Variants in OGDH observed in about 807,000 individuals in gnomAD.
The protein encoded by OGDH is 2-oxoglutarate dehydrogenase complex component E1.
Under a neutral mutation model 116.6 loss-of-function variants are expected in OGDH, and 38 were observed. The observed-to-expected ratio is 0.33, with a 90% CI of 0.25 to 0.43. OGDH has a LOEUF of 0.43. OGDH is among the 20% of genes least tolerant of loss of function. The probability of loss-of-function intolerance (pLI) is 1.00; values close to 1 mark genes in which losing one functional copy is unlikely to be tolerated. For synonymous variants in OGDH, 488 were observed against 533.3 expected (o/e 0.92, Z 1.17); for missense variants, 825 against 1,357.2 (o/e 0.61, Z 6.16).
At chr7:44,635,252 C>G (rs1377404231) in intron 2 of OGDH, among the ~76,000 whole-genome samples, 1 of 152,148 alleles carries the variant, frequency 6.6e-6, no homozygotes, top group Non-Finnish European at 1.5e-5. Flanking sequence ...AAGAGCCATA[C>G]GCCGGTGTTC....
intron 10 of OGDH, among the ~76,000 whole-genome samples, chr7:44,685,010 A>T (rs1044325399): frequency 6.6e-6 from 1 of 151,646 alleles, no homozygotes; most frequent in African/African-American, 2.4e-5. Flanking sequence ...GTGGTCATGA[A>T]CTCCTGACCT....
chr7:44,607,702 TTTG>T (rs1286458441), intron 1 of OGDH, among the ~76,000 whole-genome samples: 6 of 152,282 alleles, frequency 3.9e-5, no homozygotes, highest in Admixed American at 2.0e-4. Flanking sequence ...ATGCTCATTT[TTTG>T]TTGTTGTTGT....
At chr7:44,618,243 G>A (rs988542593) in intron 1 of OGDH, among the ~76,000 whole-genome samples, 2 of 151,958 alleles carry the variant, frequency 1.3e-5, no homozygotes, top group Non-Finnish European at 2.9e-5. Context: ...ACTTTATTGA[G>A]ACATAATTCA....
At chr7:44,651,717 A>G (rs536696308) in intron 4 of OGDH, among the ~76,000 whole-genome samples, 1 of 151,052 alleles carries the variant, frequency 6.6e-6, no homozygotes, top group South Asian at 2.1e-4. Context: ...ACCCATCATC[A>G]TGTCCAGCTA....
intron 10 of OGDH, among the ~76,000 whole-genome samples, chr7:44,683,797 A>G (rs1788024500): frequency 6.6e-6 from 1 of 152,212 alleles, no homozygotes; most frequent in African/African-American, 2.4e-5. Flanking sequence ...CACAGGCCTG[A>G]TACATATCAC....
intron 5 of OGDH, 74 bp from the exon 6 acceptor site, chr7:44,673,713 T>C (rs1261489887): frequency 1.4e-6 from 2 of 1,456,214 alleles, no homozygotes; most frequent in Admixed American, 3.4e-5. Context: ...TCTGGCTGAA[T>C]GGGCAGTCGG....
intron 4 of OGDH, chr7:44,656,349 G>A (rs1205578068): frequency 2.0e-6 from 3 of 1,535,984 alleles, no homozygotes; most frequent in Non-Finnish European, 2.6e-6. Flanking sequence ...GACTTCGAAT[G>A]CTAACAGTAG....
chr7:44,639,356 G>T (rs1785825930), intron 2 of OGDH, among the ~76,000 whole-genome samples: 1 of 152,070 alleles, frequency 6.6e-6, no homozygotes, highest in Non-Finnish European at 1.5e-5. Flanking sequence ...CAGGAAGGAA[G>T]TGGCCCCATT....
In OGDH at chr7:44,694,128, C is replaced by A. The variant is rs1272046322; in HGVS notation, c.1515+124C>A. 9 of 1,079,984 alleles carry A rather than the reference C, an allele frequency of 8.3e-6. No individual in the cohort carries two copies. The highest frequency in any genetic ancestry group is 1.2e-5 in the Non-Finnish European group (9 of 763,896). 66.9% of individuals were successfully genotyped at this position (1,079,984 alleles called of 1,614,324 possible). ...TGAGTCACCTCAGGGCTCTCTACTG[C>A]CAGGCCTCATGCTGGTTCCTTTGAG... On this transcript the variant is annotated intron_variant, in intron 11 of 22. Transcript: ENST00000222673. This position sits in a 1 kb window ranked among gnomAD's most constrained non-coding sequence, Gnocchi z 4.2.
chr7:44,693,231 C>G (rs1007545202), intron 10 of OGDH, among the ~76,000 whole-genome samples: 6 of 152,072 alleles, frequency 3.9e-5, no homozygotes, highest in Admixed American at 3.9e-4. Context: ...TCGCTTGAAC[C>G]CGGGAGGTGG....
intron 2 of OGDH, among the ~76,000 whole-genome samples, chr7:44,632,445 G>A (rs1785481596): frequency 2.0e-5 from 3 of 152,206 alleles, no homozygotes; most frequent in Non-Finnish European, 4.4e-5. Context: ...TGGGAGTACA[G>A]GTGCACACCA....
intron 1 of OGDH, among the ~76,000 whole-genome samples, chr7:44,607,555 C>A (rs1490980586): frequency 6.6e-6 from 1 of 152,100 alleles, no homozygotes; most frequent in South Asian, 2.1e-4. Context: ...GGGATAAAGC[C>A]TTTTTTTGTA....
At chr7:44,617,455 T>G (rs1484140571) in intron 1 of OGDH, among the ~76,000 whole-genome samples, 3 of 152,084 alleles carry the variant, frequency 2.0e-5, no homozygotes, top group Admixed American at 6.6e-5. Context: ...GGCTCAACAA[T>G]TGTTTCCATC....
intron 2 of OGDH, among the ~76,000 whole-genome samples, chr7:44,628,652 GT>G (rs1187834637): frequency 2.6e-5 from 4 of 151,596 alleles, no homozygotes. Context: ...GTCTCTTTAT[GT>G]TGTCCAGACT....
At chr7:44,684,377 A>C (rs552481630) in intron 10 of OGDH, among the ~76,000 whole-genome samples, 1 of 152,200 alleles carries the variant, frequency 6.6e-6, no homozygotes. Context: ...AGAGGGAAAA[A>C]TTTAAATTTA....
Position 44,701,840 on chromosome 7 carries a change from C to T in OGDH, c.2632+225C>T, listed in dbSNP as rs550288941. Reference sequence around the variant, plus strand: ...GGCAGATCATCTGAGGTCAGGAGTTCGAGGGCAGATCACCTGAGGTCGGGA... The same window carrying T: ...GGCAGATCATCTGAGGTCAGGAGTTTGAGGGCAGATCACCTGAGGTCGGGA... On this transcript the variant is annotated intron_variant, in intron 20 of 22. Coordinates refer to ENST00000222673, the MANE Select transcript of OGDH (RefSeq NM_002541.4). Among the ~76,000 whole-genome samples, 8 of 152,154 alleles carry T rather than the reference C, an allele frequency of 5.3e-5. 1 individual carries two copies. In the South Asian group the frequency reaches 8.3e-4, roughly 16 times the overall value.
rs1391116222 is a variant in OGDH, at chr7:44,624,200, T to C, written c.-27-117T>C. 5 of 693,116 alleles carry C rather than the reference T, an allele frequency of 7.2e-6. No individual in the cohort carries two copies. The African/African-American group carries it at 9.1e-5, about 13-fold the overall frequency. 42.9% of individuals were successfully genotyped at this position (693,116 alleles called of 1,614,324 possible). On this transcript the variant is annotated intron_variant, in intron 1 of 22. Coordinates refer to ENST00000222673, the MANE Select transcript of OGDH (RefSeq NM_002541.4). ...TTTGTTTTTGTTTTTGTTTTTCTAG[T>C]AGCTTTTAAAAAAAAATTATCCTTT...
At chr7:44,644,323 A>G (rs576457758) in intron 2 of OGDH, among the ~76,000 whole-genome samples, 16 of 152,370 alleles carry the variant, frequency 1.1e-4, no homozygotes, top group Non-Finnish European at 1.8e-4. Context: ...TTTGTATGAG[A>G]TGAATAAACC....
Position 44,611,747 on chromosome 7 carries a change from A to G in OGDH, c.-28+5094A>G, listed in dbSNP as rs376624682. Among the ~76,000 whole-genome samples, 11 of 151,258 alleles carry G rather than the reference A, an allele frequency of 7.3e-5. No individual in the cohort carries two copies. The South Asian group carries it at 1.5e-3, about 20-fold the overall frequency. ...ATTTTTAAATTTTACATTTAAATCT[A>G]TGATTCATTTAGACTTAATTTCTTT... On this transcript the variant is annotated intron_variant, in intron 1 of 22. Transcript: ENST00000222673.
Sources: allele counts gnomAD v4.1 joint callset (sites outside exome capture counted in the v4.1 genomes callset), GRCh38; gene constraint gnomAD v4.1.1; non-coding constraint Gnocchi (gnomAD v3.1); transcripts MANE v1.5; gene names NCBI Gene and HGNC (gene_info 2026-07-23, HGNC 2026-07-21).